EXOC6B: variants seen among roughly 807,000 people sequenced by gnomAD.
The protein encoded by EXOC6B is exocyst complex component 6B.
In EXOC6B, 54 loss-of-function variants were observed where a neutral mutation model predicts 113.5. The ratio of observed to expected loss-of-function variants is 0.48; its 90% CI spans 0.38 to 0.60. The LOEUF (loss-of-function observed/expected upper bound fraction) is 0.60. EXOC6B is among the 20% of genes least tolerant of loss of function. The pLI, the probability that EXOC6B is intolerant of heterozygous loss-of-function variation, is 0.00. For synonymous variants in EXOC6B, 357 were observed against 339.0 expected, an observed-to-expected ratio of 1.05 and a Z score of -0.58; for missense variants, 797 against 977.5, an observed-to-expected ratio of 0.82 and a Z score of 2.46.
intron 6 of EXOC6B, among the ~76,000 whole-genome samples, chr2:72,715,131 G>A (rs1229982254): frequency 6.6e-6 from 1 of 151,992 alleles, no homozygotes; most frequent in Non-Finnish European, 1.5e-5. Flanking sequence ...GGAGGCTGAG[G>A]CAGGAGAATC....
chr2:72,267,468 G>T (rs999229890), intron 20 of EXOC6B, among the ~76,000 whole-genome samples: 1 of 152,122 alleles, frequency 6.6e-6, no homozygotes, highest in South Asian at 2.1e-4. Flanking sequence ...TAGCATGAAG[G>T]TTGTTGAATT....
At position 72,212,637 on chromosome 2, in the gene EXOC6B, T is replaced by C. The variant is rs562930045; in HGVS notation, c.2197-28450A>G. ...AACTTGTATCCTTCCAGGTTTTTCC[T>C]CACAACTTCTATCTTATGTAAGAGA... On this transcript the variant is annotated intron_variant, in intron 20 of 21. Transcript: ENST00000272427. 1.8e-4 allele frequency among the ~76,000 whole-genome samples: 27 copies of C among 152,348 alleles called. No individual in the cohort carries two copies. The South Asian group carries it at 3.9e-3, about 22-fold the overall frequency.
intron 20 of EXOC6B, among the ~76,000 whole-genome samples, chr2:72,203,545 T>G (rs1240871110): frequency 1.3e-5 from 2 of 152,202 alleles, no homozygotes; most frequent in Admixed American, 1.3e-4. Flanking sequence ...GGACTTCCAT[T>G]ATCAATTCAT....
intron 7 of EXOC6B, 55 bp from the exon 8 acceptor site, chr2:72,559,576 A>G: frequency 7.1e-7 from 1 of 1,413,128 alleles, no homozygotes; most frequent in Non-Finnish European, 9.9e-7. Flanking sequence ...AAAAGCAACT[A>G]CATTAATTGT....
chr2:72,459,441 T>A (rs1409004238), intron 18 of EXOC6B, among the ~76,000 whole-genome samples: 2 of 152,168 alleles, frequency 1.3e-5, no homozygotes, highest in African/African-American at 4.8e-5. Context: ...GACAAGATTG[T>A]ATATCTAGAA....
Position 72,498,569 on chromosome 2 carries a change from A to C in EXOC6B, c.1240-18T>G. On this transcript the variant is annotated intron_variant, in intron 12 of 21. Transcript: ENST00000272427. ...CCATACACCTGAAACAAAATAAGAA[A>C]ATCACTTCAGTGTCTAAGGAAGGAG... The C allele has an allele frequency of 4.4e-6, 7 of 1,577,356 alleles. No individual in the cohort carries two copies. Among genetic ancestry groups the C allele is most frequent in the Non-Finnish European group, 5.2e-6 (6 of 1,161,824 alleles).
intron 18 of EXOC6B, among the ~76,000 whole-genome samples, chr2:72,452,529 A>T (rs997306319): frequency 1.3e-5 from 2 of 152,198 alleles, no homozygotes; most frequent in Admixed American, 1.3e-4. Flanking sequence ...GTGAACAGTC[A>T]TAAAAGACCT....
intron 18 of EXOC6B, among the ~76,000 whole-genome samples, chr2:72,412,225 A>G (rs891416661): frequency 6.6e-6 from 1 of 152,244 alleles, no homozygotes; most frequent in East Asian, 1.9e-4. Context: ...TGACATCAAC[A>G]ACAAGAGGCT....
chr2:72,298,624 C>T (rs1041138005), intron 20 of EXOC6B, among the ~76,000 whole-genome samples: 5 of 152,056 alleles, frequency 3.3e-5, no homozygotes, highest in African/African-American at 7.2e-5. Flanking sequence ...TGGCTGGTAC[C>T]AGTTGTTCCT....
chr2:72,633,829 T>A (rs1573524372), intron 6 of EXOC6B, among the ~76,000 whole-genome samples: 1 of 152,178 alleles, frequency 6.6e-6, no homozygotes, highest in Non-Finnish European at 1.5e-5. Context: ...AAATAAACTT[T>A]AAACAAGTAA....
In EXOC6B at chr2:72,205,594, C is replaced by T. The variant is rs116037850; in HGVS notation, c.2197-21407G>A. Among the ~76,000 whole-genome samples, 767 of 152,260 alleles carry T rather than the reference C, an allele frequency of 5.0e-3. 11 individuals are homozygous for T. Among genetic ancestry groups the T allele is most frequent in the African/African-American group, 0.017 (707 of 41,554 alleles). On this transcript the variant is annotated intron_variant, in intron 20 of 21. Coordinates refer to ENST00000272427, the MANE Select transcript of EXOC6B (RefSeq NM_015189.3). ...AGCAAAGCCACCTTTGGAAAGGAGT[C>T]GCTCTGTCTCTGGTTACCCTATGGC...
intron 1 of EXOC6B, among the ~76,000 whole-genome samples, chr2:72,789,291 TAC>T (rs781314517): frequency 6.6e-6 from 1 of 152,208 alleles, no homozygotes; most frequent in African/African-American, 2.4e-5. Context: ...TGAGCTAACA[TAC>T]GTGGTACATC....
At chr2:72,247,867 GA>G (rs1413492108) in intron 20 of EXOC6B, among the ~76,000 whole-genome samples, 1 of 152,192 alleles carries the variant, frequency 6.6e-6, no homozygotes, top group Non-Finnish European at 1.5e-5. Flanking sequence ...GGCATATTAA[GA>G]TGTTCTGAAT....
intron 20 of EXOC6B, among the ~76,000 whole-genome samples, chr2:72,303,114 G>T (rs1686632006): frequency 6.6e-6 from 1 of 152,124 alleles, no homozygotes; most frequent in African/African-American, 2.4e-5. Context: ...CTTGGTTGAA[G>T]TTTTTTTCTT....
intron 6 of EXOC6B, among the ~76,000 whole-genome samples, chr2:72,701,971 G>A (rs1052256975): frequency 8.7e-5 from 13 of 149,100 alleles, no homozygotes; most frequent in African/African-American, 2.7e-4. Context: ...TGCACATTGT[G>A]CAGGTTAGTT....
At chr2:72,767,882 G>A (rs1216495787) in intron 1 of EXOC6B, among the ~76,000 whole-genome samples, 4 of 137,780 alleles carry the variant, frequency 2.9e-5, no homozygotes, top group East Asian at 4.4e-4. Context: ...TTGGGAGGCC[G>A]AGGCAGGCGG....
intron 20 of EXOC6B, among the ~76,000 whole-genome samples, chr2:72,219,492 T>C (rs1680736175): frequency 6.6e-6 from 1 of 152,150 alleles, no homozygotes; most frequent in Non-Finnish European, 1.5e-5. Context: ...CATTCTAGTC[T>C]TGAGGACTCA....
chr2:72,628,206 C>T (rs556083518), intron 6 of EXOC6B, among the ~76,000 whole-genome samples: 3 of 151,204 alleles, frequency 2.0e-5, no homozygotes, highest in Non-Finnish European at 4.4e-5. Flanking sequence ...CTCACTACTG[C>T]CTCAAACTCC....
intron 6 of EXOC6B, among the ~76,000 whole-genome samples, chr2:72,638,625 T>A (rs1052399395): frequency 6.6e-6 from 1 of 152,180 alleles, no homozygotes; most frequent in Non-Finnish European, 1.5e-5. Context: ...AGGAGCAACC[T>A]GTTCTCATCA....
Sources: allele counts gnomAD v4.1 joint callset (sites outside exome capture counted in the v4.1 genomes callset), GRCh38; gene constraint gnomAD v4.1.1; transcripts MANE v1.5; gene names NCBI Gene and HGNC (gene_info 2026-07-23, HGNC 2026-07-21).